Variants in PTPRK observed in about 807,000 individuals in gnomAD.
PTPRK encodes the protein protein tyrosine phosphatase receptor type K.
Under a neutral mutation model 178.0 loss-of-function variants are expected in PTPRK, and 75 were observed. The ratio of observed to expected loss-of-function variants is 0.42; its 90% CI spans 0.35 to 0.51. The LOEUF is 0.51. PTPRK is among the 20% of genes least tolerant of loss of function. PTPRK has a pLI of 0.02. For synonymous variants in PTPRK, 637 were observed against 620.6 expected (o/e 1.03, Z -0.39); for missense variants, 1,441 against 1,797.8 (o/e 0.80, Z 3.59).
chr6:128,298,822 C>T (rs1381888207), intron 3 of PTPRK, among the ~76,000 whole-genome samples: 1 of 152,094 alleles, frequency 6.6e-6, no homozygotes, highest in African/African-American at 2.4e-5. Flanking sequence ...GACAGGGATG[C>T]CCTCTCTCAC....
At chr6:128,404,505 C>A (rs1383687013) in intron 1 of PTPRK, among the ~76,000 whole-genome samples, 3 of 152,176 alleles carry the variant, frequency 2.0e-5, no homozygotes, top group Non-Finnish European at 4.4e-5. Context: ...GGAAAAAGGT[C>A]ATCAGTTCTT....
chr6:128,326,679 A>G (rs925177628), intron 2 of PTPRK, among the ~76,000 whole-genome samples: 1 of 152,188 alleles, frequency 6.6e-6, no homozygotes, highest in African/African-American at 2.4e-5. Flanking sequence ...ACATATGCAC[A>G]CACATACACT....
chr6:128,474,205 C>CAAAA (rs3059156), intron 1 of PTPRK, among the ~76,000 whole-genome samples: 7 of 151,568 alleles, frequency 4.6e-5, no homozygotes, highest in Non-Finnish European at 7.4e-5. Context: ...AACAAACAAA[C>CAAAA]CCTGAAAGTC....
rs1021695493 is a variant in PTPRK, at chr6:128,090,011, T to C, written c.1163-19A>G. 10 of 1,548,204 alleles carry C rather than the reference T, an allele frequency of 6.5e-6. No individual in the cohort carries two copies. Among genetic ancestry groups the C allele is most frequent in the Non-Finnish European group, 7.1e-6 (8 of 1,121,460 alleles). ...ATAGGTTCTGAAAAATAAATCAGAG[T>C]TGTAGACAGCTGTCTATTATATCAT... On this transcript the variant is annotated intron_variant, in intron 7 of 29. Coordinates refer to ENST00000368226, the MANE Select transcript of PTPRK (RefSeq NM_002844.4).
At chr6:127,974,742 C>A (rs951806730) in intron 27 of PTPRK, among the ~76,000 whole-genome samples, 9 of 152,052 alleles carry the variant, frequency 5.9e-5, no homozygotes, top group African/African-American at 2.2e-4. Flanking sequence ...CACTTTTATA[C>A]AAAAAGGATT....
intron 1 of PTPRK, among the ~76,000 whole-genome samples, chr6:128,515,696 A>G (rs1857893406): frequency 6.6e-6 from 1 of 151,716 alleles, no homozygotes; most frequent in African/African-American, 2.4e-5. Flanking sequence ...ACACACACAC[A>G]TACACGTGCA....
At chr6:128,108,772 G>A (rs1460653848) in intron 7 of PTPRK, among the ~76,000 whole-genome samples, 1 of 152,082 alleles carries the variant, frequency 6.6e-6, no homozygotes, top group Non-Finnish European at 1.5e-5. Flanking sequence ...TCTGGAGGCT[G>A]GGAATCTGAG....
intron 1 of PTPRK, among the ~76,000 whole-genome samples, chr6:128,410,076 C>G (rs150770880): frequency 1.3e-5 from 2 of 152,256 alleles, no homozygotes; most frequent in African/African-American, 4.8e-5. Context: ...TTGGTTATTA[C>G]CATAGATTTT....
chr6:128,225,373 G>C (rs1361582659), intron 5 of PTPRK, among the ~76,000 whole-genome samples: 1 of 152,092 alleles, frequency 6.6e-6, no homozygotes, highest in East Asian at 1.9e-4. Flanking sequence ...CATATGAGTT[G>C]TCAAAATGAA....
chr6:128,056,073 T>C (rs1160284363), intron 13 of PTPRK, among the ~76,000 whole-genome samples: 1 of 151,794 alleles, frequency 6.6e-6, no homozygotes, highest in African/African-American at 2.4e-5. Flanking sequence ...CTTCTCCTTT[T>C]CTTCATTTAG....
intron 25 of PTPRK, among the ~76,000 whole-genome samples, chr6:127,980,455 G>A (rs190982589): frequency 5.9e-4 from 90 of 151,836 alleles, no homozygotes; most frequent in Non-Finnish European, 1.5e-4. Flanking sequence ...TCATGCCACT[G>A]CACTCCAGCC....
intron 16 of PTPRK, among the ~76,000 whole-genome samples, chr6:127,998,010 T>C (rs1343991774): frequency 2.0e-5 from 3 of 152,128 alleles, no homozygotes; most frequent in Non-Finnish European, 4.4e-5. Flanking sequence ...AGATTGGTAT[T>C]TCTCAGTAAG....
chr6:128,305,263 C>T (rs1826206507), intron 3 of PTPRK, among the ~76,000 whole-genome samples: 1 of 152,136 alleles, frequency 6.6e-6, no homozygotes, highest in Admixed American at 6.5e-5. Context: ...AGATTTTTCT[C>T]CTTCTTTTAT....
intron 3 of PTPRK, among the ~76,000 whole-genome samples, chr6:128,261,007 A>G (rs1818093441): frequency 6.6e-6 from 1 of 152,092 alleles, no homozygotes; most frequent in South Asian, 2.1e-4. Flanking sequence ...TTAGTATTTC[A>G]TCCTGAGCTT....
At chr6:128,035,717 G>A (rs1343562134) in intron 13 of PTPRK, among the ~76,000 whole-genome samples, 3 of 152,168 alleles carry the variant, frequency 2.0e-5, no homozygotes, top group Non-Finnish European at 4.4e-5. Context: ...CTATAGCAAT[G>A]GTTCTCAGTA....
chr6:128,286,528 A>C (rs961487174), intron 3 of PTPRK, among the ~76,000 whole-genome samples: 7 of 151,784 alleles, frequency 4.6e-5, no homozygotes, highest in Admixed American at 2.6e-4. Flanking sequence ...TCTCCTTATT[A>C]TGTTCATATT....
At chr6:128,018,732 C>T (rs557331841) in intron 13 of PTPRK, among the ~76,000 whole-genome samples, 143 of 151,992 alleles carry the variant, frequency 9.4e-4, no homozygotes, top group Non-Finnish European at 1.5e-3. Flanking sequence ...TAAACAGATT[C>T]GAATAAAGTT....
chr6:128,045,486 A>G (rs1391788595), intron 13 of PTPRK, among the ~76,000 whole-genome samples: 1 of 152,048 alleles, frequency 6.6e-6, no homozygotes, highest in Non-Finnish European at 1.5e-5. Flanking sequence ...GTCCATTCTA[A>G]GAGGGTATGT....
chr6:128,386,963 G>T (rs1343004878), intron 2 of PTPRK, among the ~76,000 whole-genome samples: 1 of 152,158 alleles, frequency 6.6e-6, no homozygotes. Flanking sequence ...AGCTACTCAG[G>T]TGGCTGAGGC....
Sources: gnomAD v4.1 joint callset for allele counts (sites outside exome capture counted in the v4.1 genomes callset) on GRCh38, gnomAD v4.1.1 for gene constraint, MANE v1.5 for transcripts, NCBI Gene and HGNC (gene_info 2026-07-23, HGNC 2026-07-21) for gene names.